SLC6A6: variants seen among roughly 807,000 people sequenced by gnomAD.
SLC6A6 encodes the protein sodium- and chloride-dependent taurine transporter.
SLC6A6 carries 16 observed loss-of-function variants against 68.8 expected under a neutral mutation model. The observed-to-expected ratio is 0.23, with a 90% confidence interval of 0.16 to 0.35. The LOEUF (loss-of-function observed/expected upper bound fraction) is 0.35, where lower values mean the gene tolerates loss of function less well. Ranked by LOEUF, SLC6A6 falls within the 10% of genes least tolerant of loss-of-function variation. The pLI is 1.00. For missense variants in SLC6A6, 474 were observed against 802.8 expected (o/e 0.59, Z 4.95); for synonymous variants, 312 against 315.4 (o/e 0.99, Z 0.12).
chr3:14,466,359 G>A (rs1700620062), intron 6 of SLC6A6, among the ~76,000 whole-genome samples, 157 bp from the exon 7 acceptor site: 1 of 151,382 alleles, frequency 6.6e-6, no homozygotes, highest in Non-Finnish European at 1.5e-5. Context: ...GAGTGGTTAA[G>A]CAATGTGCCA....
chr3:14,412,962 G>A (rs868418070), intron 1 of SLC6A6, among the ~76,000 whole-genome samples: 1 of 152,240 alleles, frequency 6.6e-6, no homozygotes, highest in Admixed American at 6.5e-5. Context: ...AAAGGTTGCT[G>A]TTGGGGAAGC....
chr3:14,477,137 C>G lies in SLC6A6; in HGVS notation c.1210-68C>G, dbSNP rs1700896914. ...GCATTGTGTGTTCCTGGGCCCTTCC[C>G]TCCGAGCAGCAGGCAAGGGTGGCCT... On this transcript the variant is annotated intron_variant, in intron 10 of 14. Transcript: ENST00000622186. This position sits in a 1 kb window ranked among gnomAD's most constrained non-coding sequence, Gnocchi z 4.2. The G allele has an allele frequency of 2.7e-6, 4 of 1,503,208 alleles. No individual in the cohort carries two copies. The South Asian group carries it at 4.8e-5, about 18-fold the overall frequency. The allele number at this position is 1,503,208 out of a possible 1,614,324, so 93.1% of individuals were successfully genotyped here.
At chr3:14,454,828 A>T (rs1233322772) in intron 5 of SLC6A6, among the ~76,000 whole-genome samples, 1 of 152,194 alleles carries the variant, frequency 6.6e-6, no homozygotes, top group Non-Finnish European at 1.5e-5. Context: ...GTGTGTGTGT[A>T]TTCAAGTACA....
intron 2 of SLC6A6, among the ~76,000 whole-genome samples, chr3:14,440,516 G>A (rs1699958269): frequency 6.6e-6 from 1 of 152,118 alleles, no homozygotes; most frequent in African/African-American, 2.4e-5. Context: ...ATGGTGAGGA[G>A]CCTGTGTTTT....
At chr3:14,471,427 C>T (rs1202710846) in intron 9 of SLC6A6, among the ~76,000 whole-genome samples, 1 of 152,220 alleles carries the variant, frequency 6.6e-6, no homozygotes, top group Non-Finnish European at 1.5e-5. Flanking sequence ...AGAATCTAAA[C>T]ACAGGAAGGC....
At chr3:14,453,215 T>C (rs1700295091) in intron 5 of SLC6A6, among the ~76,000 whole-genome samples, 1 of 152,200 alleles carries the variant, frequency 6.6e-6, no homozygotes, top group Non-Finnish European at 1.5e-5. Context: ...CATCTCTGAG[T>C]GCCGGCTGGA....
At chr3:14,430,445 T>C (rs1405954347) in intron 2 of SLC6A6, among the ~76,000 whole-genome samples, 1 of 151,850 alleles carries the variant, frequency 6.6e-6, no homozygotes, top group Non-Finnish European at 1.5e-5. Flanking sequence ...TAAATTGCAA[T>C]GGAAAGTTGA....
At position 14,478,514 on chromosome 3, in the gene SLC6A6, G is replaced by A. The variant is rs1351428708; in HGVS notation, c.1396G>A (p.Val466Ile). Residue 466 changes from valine (V) to isoleucine (I), a missense_variant, in exon 12 of 15, where the codon GTA (valine) becomes ATA (isoleucine). Transcript: ENST00000622186. ...CTTTGACTACTATGCAGCTAGCGGTGTATGCCTTTTGTGGGTTGCATTCTT... is the reference window on the plus strand; with the variant it reads ...CTTTGACTACTATGCAGCTAGCGGTATATGCCTTTTGTGGGTTGCATTCTT... ...QLFDYYAASG[V>I]CLLWVAFFEC... is the part of the protein sequence containing the mutation. 2 of 1,613,728 alleles carry A rather than the reference G, an allele frequency of 1.2e-6. No homozygotes were observed. Among genetic ancestry groups the A allele is most frequent in the East Asian group, 2.2e-5 (1 of 44,896 alleles).
At chr3:14,427,190 C>T (rs757955282) in intron 2 of SLC6A6, among the ~76,000 whole-genome samples, 20 of 145,978 alleles carry the variant, frequency 1.4e-4, no homozygotes, top group Non-Finnish European at 2.5e-4. Flanking sequence ...TTGCAGCTGT[C>T]CTGAGTCCTG....
intron 5 of SLC6A6, among the ~76,000 whole-genome samples, chr3:14,451,870 A>G (rs1700259305): frequency 6.6e-6 from 1 of 152,156 alleles, no homozygotes; most frequent in Non-Finnish European, 1.5e-5. Flanking sequence ...TGGGCGGCAG[A>G]GCAGTGAGGA....
intron 2 of SLC6A6, among the ~76,000 whole-genome samples, chr3:14,432,238 C>G (rs908786928): frequency 1.3e-5 from 2 of 152,252 alleles, no homozygotes; most frequent in African/African-American, 4.8e-5. Flanking sequence ...TGGCAACCAA[C>G]CTTTCTCTTT....
chr3:14,418,067 A>G (rs1228829610), intron 2 of SLC6A6, among the ~76,000 whole-genome samples: 1 of 152,222 alleles, frequency 6.6e-6, no homozygotes, highest in African/African-American at 2.4e-5. Context: ...ACACACGTCA[A>G]ACTCAAACCC....
intron 6 of SLC6A6, 71 bp downstream of exon 6, chr3:14,458,153 C>A: frequency 7.0e-7 from 1 of 1,423,380 alleles, no homozygotes; most frequent in Non-Finnish European, 9.9e-7. Context: ...CCCCACTTCC[C>A]GCCTGCAATT....
chr3:14,457,558 T>C (rs1045505103), intron 5 of SLC6A6, among the ~76,000 whole-genome samples: 4 of 152,194 alleles, frequency 2.6e-5, no homozygotes, highest in Non-Finnish European at 5.9e-5. Context: ...GTTCTGTCAG[T>C]GACGGAACAA....
Position 14,421,553 on chromosome 3 carries a change from A to G in SLC6A6, c.-12+5100A>G, listed in dbSNP as rs985575656. ...CAGAACGGCACATAGCAGTTCTTCA[A>G]TAAATGAAGTTAACATCGTTATTGC... On this transcript the variant is annotated intron_variant, in intron 2 of 14. Transcript: ENST00000622186. 5.3e-5 allele frequency among the ~76,000 whole-genome samples: 8 copies of G among 152,370 alleles called. No individual in the cohort carries two copies. The South Asian group carries it at 1.7e-3, about 32-fold the overall frequency.
chr3:14,419,796 C>T (rs1486674726), intron 2 of SLC6A6, among the ~76,000 whole-genome samples: 5 of 152,014 alleles, frequency 3.3e-5, no homozygotes, highest in Non-Finnish European at 5.9e-5. Context: ...AGGTGAGCCC[C>T]CCCTAGAGCA....
intron 4 of SLC6A6, among the ~76,000 whole-genome samples, chr3:14,447,221 TATCCATCCATCCATCCATCC>T (rs3836358): frequency 3.3e-5 from 5 of 149,350 alleles, no homozygotes; most frequent in Non-Finnish European, 6.0e-5. Context: ...TCTATTCAGC[TATCCATCCATCCATCCATCC>T]ATCCATCCAT....
chr3:14,440,426 G>A (rs1477137756), intron 2 of SLC6A6, among the ~76,000 whole-genome samples: 2 of 152,070 alleles, frequency 1.3e-5, no homozygotes, highest in East Asian at 3.9e-4. Flanking sequence ...AGTTCTGTGT[G>A]GCCCGTGTCC....
chr3:14,459,832 A>G, intron 6 of SLC6A6, among the ~76,000 whole-genome samples: 1 of 151,908 alleles, frequency 6.6e-6, no homozygotes, highest in East Asian at 1.9e-4. Flanking sequence ...GGTGTGTTAA[A>G]CACCTGGCAC....
Sources: allele counts gnomAD v4.1 joint callset (sites outside exome capture counted in the v4.1 genomes callset), GRCh38; gene constraint gnomAD v4.1.1; non-coding constraint Gnocchi (gnomAD v3.1); transcripts MANE v1.5; gene names NCBI Gene and HGNC (gene_info 2026-07-23, HGNC 2026-07-21).